ANKRD17: variants seen among roughly 807,000 people sequenced by gnomAD.
ANKRD17 encodes the protein ankyrin repeat domain-containing protein 17.
Under a neutral mutation model 229.7 loss-of-function variants are expected in ANKRD17, and 19 were observed. That is an observed-to-expected ratio of 0.08 (90% CI 0.06 to 0.12). The LOEUF (loss-of-function observed/expected upper bound fraction) is 0.12. ANKRD17 is among the 10% of genes least tolerant of loss of function. ANKRD17 has a pLI of 1.00. For missense variants in ANKRD17, 2,176 were observed against 3,176.8 expected (o/e 0.68, Z 7.57); for synonymous variants, 1,112 against 1,146.1 (o/e 0.97, Z 0.60).
intron 22 of ANKRD17, among the ~76,000 whole-genome samples, chr4:73,118,401 T>G (rs1274127439): frequency 1.3e-5 from 2 of 151,966 alleles, no homozygotes; most frequent in African/African-American, 4.8e-5. Context: ...TTAACTGGAT[T>G]TACACTTTGT....
intron 23 of ANKRD17, among the ~76,000 whole-genome samples, chr4:73,114,558 C>T (rs1484254695): frequency 6.6e-6 from 1 of 152,116 alleles, no homozygotes; most frequent in East Asian, 1.9e-4. Context: ...CTCCTAGGCT[C>T]AAGCAATCCT....
chr4:73,225,135 T>G (rs928568109), intron 1 of ANKRD17, among the ~76,000 whole-genome samples: 1 of 152,178 alleles, frequency 6.6e-6, no homozygotes, highest in Non-Finnish European at 1.5e-5. Context: ...CAAACTGGCT[T>G]TTGTTATTTC....
chr4:73,247,142 T>C (rs372432573), intron 1 of ANKRD17, among the ~76,000 whole-genome samples: 1 of 151,954 alleles, frequency 6.6e-6, no homozygotes, highest in East Asian at 1.9e-4. Flanking sequence ...AACCAGGAAA[T>C]TTTCAAGACA....
chr4:73,224,155 C>T (rs1395205112), intron 1 of ANKRD17, among the ~76,000 whole-genome samples: 2 of 152,158 alleles, frequency 1.3e-5, no homozygotes, highest in African/African-American at 4.8e-5. Flanking sequence ...ACTCAGGTGG[C>T]TGCATGAGAA....
intron 1 of ANKRD17, among the ~76,000 whole-genome samples, chr4:73,195,528 G>A (rs772642624): frequency 6.7e-6 from 1 of 149,096 alleles, no homozygotes; most frequent in Non-Finnish European, 1.5e-5. Flanking sequence ...TTTTTTCTTT[G>A]AGACAGAGTC....
intron 3 of ANKRD17, among the ~76,000 whole-genome samples, chr4:73,156,722 T>C (rs1228042683): frequency 2.0e-5 from 3 of 152,132 alleles, no homozygotes; most frequent in Middle Eastern, 3.2e-3. Flanking sequence ...TTGCTTCCCC[T>C]TTGCCTTCCA....
intron 8 of ANKRD17, 49 bp downstream of exon 8, chr4:73,148,764 T>A: frequency 6.6e-7 from 1 of 1,514,700 alleles, no homozygotes; most frequent in East Asian, 2.3e-5. Context: ...AAAATTATAC[T>A]CTTAGGTTTT....
intron 25 of ANKRD17, chr4:73,099,268 C>A (rs1289766477): frequency 3.6e-6 from 2 of 555,466 alleles, no homozygotes; most frequent in Non-Finnish European, 6.6e-6. Context: ...CTCCGGCTGC[C>A]ACCCCCATCC....
intron 24 of ANKRD17, among the ~76,000 whole-genome samples, chr4:73,106,878 TAAAA>T (rs35011113): frequency 4.1e-5 from 2 of 49,258 alleles, no homozygotes; most frequent in African/African-American, 8.2e-5. Flanking sequence ...ACTCCGTCTT[TAAAA>T]AAAAAAAAAA....
intron 1 of ANKRD17, among the ~76,000 whole-genome samples, chr4:73,233,376 C>T (rs933889467): frequency 3.3e-5 from 5 of 152,122 alleles, no homozygotes; most frequent in Admixed American, 6.5e-5. Context: ...TATAATTAAG[C>T]CCATTTTATA....
chr4:73,224,995 T>A (rs995643083), intron 1 of ANKRD17, among the ~76,000 whole-genome samples: 4 of 152,258 alleles, frequency 2.6e-5, no homozygotes. Flanking sequence ...GTGGAATTAA[T>A]GGCAAACAAA....
Position 73,135,225 on chromosome 4 carries a change from G to C in ANKRD17, c.3126C>G (p.Thr1042=), listed in dbSNP as rs1728738820. 1.2e-6 allele frequency: 2 copies of C among 1,613,618 alleles called. No individual in the cohort carries two copies. Among genetic ancestry groups the C allele is most frequent in the South Asian group, 1.1e-5 (1 of 91,040 alleles). The change falls in exon 16 of 34, where the codon ACC becomes ACG. Residue 1042 remains threonine, a synonymous_variant. Transcript: ENST00000358602. ...GGGAAATGGATGCAGCAATACTGTG[G>C]GTAGGAGTGTTTGACATTGCAGATG... The part of the protein sequence containing the change: ...GRASAMSNTP[T]HSIAASISQP...
At chr4:73,112,302 T>TA (rs1240988437) in intron 24 of ANKRD17, among the ~76,000 whole-genome samples, 2 of 152,090 alleles carry the variant, frequency 1.3e-5, no homozygotes, top group Non-Finnish European at 2.9e-5. Context: ...ACTGTTATAA[T>TA]AAAAAAACAA....
chr4:73,102,171 G>A (rs1439802499), intron 25 of ANKRD17, among the ~76,000 whole-genome samples: 3 of 152,010 alleles, frequency 2.0e-5, no homozygotes, highest in Admixed American at 2.0e-4. Flanking sequence ...TTGTTGCCCA[G>A]GCTGGTCTTG....
At chr4:73,198,588 T>C (rs1202461760) in intron 1 of ANKRD17, among the ~76,000 whole-genome samples, 4 of 152,148 alleles carry the variant, frequency 2.6e-5, no homozygotes, top group Non-Finnish European at 1.5e-5. Flanking sequence ...ATGTTATTAG[T>C]CATGACTCAA....
chr4:73,199,745 G>A (rs1023107274), intron 1 of ANKRD17, among the ~76,000 whole-genome samples: 2 of 152,108 alleles, frequency 1.3e-5, no homozygotes, highest in South Asian at 2.1e-4. Context: ...CAACGACAAC[G>A]AAAGCTCAAT....
At chr4:73,205,963 G>T (rs550330022) in intron 1 of ANKRD17, among the ~76,000 whole-genome samples, 3 of 152,076 alleles carry the variant, frequency 2.0e-5, no homozygotes, top group Non-Finnish European at 4.4e-5. Flanking sequence ...CATACACATG[G>T]CCAATGGATG....
chr4:73,159,971 ATGT>A (rs1477271642), intron 3 of ANKRD17, among the ~76,000 whole-genome samples: 2 of 152,170 alleles, frequency 1.3e-5, no homozygotes, highest in South Asian at 2.1e-4. Flanking sequence ...GCTCTTAAAA[ATGT>A]TGTATGAAAA....
chr4:73,196,366 G>A (rs892338246), intron 1 of ANKRD17, among the ~76,000 whole-genome samples: 4 of 152,008 alleles, frequency 2.6e-5, no homozygotes, highest in Admixed American at 6.6e-5. Context: ...GCCTGCTTTG[G>A]TTCAATTTGC....
Sources: allele counts gnomAD v4.1 joint callset (sites outside exome capture counted in the v4.1 genomes callset), GRCh38; gene constraint gnomAD v4.1.1; transcripts MANE v1.5; gene names NCBI Gene and HGNC (gene_info 2026-07-23, HGNC 2026-07-21).